Variants in FAM222A observed in about 807,000 individuals in gnomAD.
FAM222A encodes protein FAM222A.
Under a neutral mutation model 25.8 loss-of-function variants are expected in FAM222A, and 7 were observed. The observed-to-expected ratio is 0.27, with a 90% CI of 0.15 to 0.51. The LOEUF (loss-of-function observed/expected upper bound fraction) is 0.51, where lower values mean the gene tolerates loss of function less well. Ranked by LOEUF, FAM222A falls within the 20% of genes least tolerant of loss-of-function variation. The pLI is 0.97. For synonymous variants in FAM222A, 294 were observed against 298.8 expected, an observed-to-expected ratio of 0.98 and a Z score of 0.17; for missense variants, 573 against 640.5, an observed-to-expected ratio of 0.89 and a Z score of 1.14.
At chr12:109,722,769 A>C (rs1887768522) in intron 1 of FAM222A, 1 of 152,130 alleles carries the variant, frequency 6.6e-6, no homozygotes, top group South Asian at 2.1e-4. Context: ...GCTTGGGGGG[A>C]TGAAAGATGA....
intron 2 of FAM222A, among the ~76,000 whole-genome samples, chr12:109,750,555 A>G (rs1888533254): frequency 6.6e-6 from 1 of 152,054 alleles, no homozygotes; most frequent in Non-Finnish European, 1.5e-5. Flanking sequence ...CTATTAGTGT[A>G]TTCTCAGGGC....
intron 2 of FAM222A, among the ~76,000 whole-genome samples, chr12:109,762,129 C>T (rs998650295): frequency 1.3e-5 from 2 of 152,180 alleles, no homozygotes; most frequent in African/African-American, 4.8e-5. Flanking sequence ...AGCTAGGTGC[C>T]GCTGCATCTT....
At chr12:109,737,089 T>G (rs888180458) in intron 1 of FAM222A, among the ~76,000 whole-genome samples, 1 of 152,164 alleles carries the variant, frequency 6.6e-6, no homozygotes, top group Admixed American at 6.5e-5. Context: ...GTACCTTGTA[T>G]GTCTTGGAGA....
intron 1 of FAM222A, among the ~76,000 whole-genome samples, chr12:109,731,941 AAG>A (rs1290147591): frequency 2.0e-5 from 3 of 152,196 alleles, no homozygotes; most frequent in Admixed American, 6.5e-5. Context: ...TTGGAGTAGA[AAG>A]AGACCAGCGA....
chr12:109,732,686 G>A (rs1368478577), intron 1 of FAM222A, among the ~76,000 whole-genome samples: 1 of 151,966 alleles, frequency 6.6e-6, no homozygotes, highest in Non-Finnish European at 1.5e-5. Flanking sequence ...GAGGGGAGGT[G>A]GGTGGGGGGA....
At chr12:109,764,991 C>T (rs1262402063) in intron 2 of FAM222A, among the ~76,000 whole-genome samples, 1 of 152,142 alleles carries the variant, frequency 6.6e-6, no homozygotes, top group Non-Finnish European at 1.5e-5. Context: ...ACTTGCCCAG[C>T]CCCAGTGAGG....
chr12:109,723,868 G>A (rs1887794779), intron 1 of FAM222A, among the ~76,000 whole-genome samples: 1 of 152,238 alleles, frequency 6.6e-6, no homozygotes, highest in African/African-American at 2.4e-5. Context: ...GCCATGCAAA[G>A]TGGGAGTTTA....
chr12:109,760,096 C>T (rs939277062), intron 2 of FAM222A, among the ~76,000 whole-genome samples: 6 of 152,168 alleles, frequency 3.9e-5, no homozygotes, highest in African/African-American at 1.2e-4. Flanking sequence ...AACGCAAGCT[C>T]CTACTGTGTA....
rs1391191770 is a variant in FAM222A at position 109,761,204 on chromosome 12, C to G, written c.83-6808C>G. ...ATCTGTGGCTCAGAGTCCACGAATT[C>G]CACCTGCAGCCCCACCCCCAGATGC... On this transcript the variant is annotated intron_variant, in intron 2 of 2. Transcript: ENST00000538780. Among the ~76,000 whole-genome samples, 17 of 152,302 alleles carry G rather than the reference C, an allele frequency of 1.1e-4. No homozygotes were observed. The East Asian group carries it at 3.1e-3, about 28-fold the overall frequency.
intron 1 of FAM222A, among the ~76,000 whole-genome samples, chr12:109,743,236 C>T (rs895869190): frequency 1.3e-5 from 2 of 152,180 alleles, no homozygotes; most frequent in Admixed American, 6.5e-5. Flanking sequence ...CCACTCTGAC[C>T]CTGCCAGTCA....
intron 2 of FAM222A, among the ~76,000 whole-genome samples, chr12:109,750,869 G>T (rs1888540802): frequency 1.0e-5 from 1 of 99,730 alleles, no homozygotes; most frequent in Non-Finnish European, 2.1e-5. Flanking sequence ...TTGCCATGGA[G>T]AAGCTGAGGA....
intron 1 of FAM222A, among the ~76,000 whole-genome samples, chr12:109,724,716 G>A (rs936905268): frequency 6.6e-6 from 1 of 152,136 alleles, no homozygotes; most frequent in African/African-American, 2.4e-5. Context: ...TGGGAGTGCT[G>A]GACGTAAAGT....
At chr12:109,735,352 C>T (rs1566187873) in intron 1 of FAM222A, among the ~76,000 whole-genome samples, 1 of 152,236 alleles carries the variant, frequency 6.6e-6, no homozygotes, top group Non-Finnish European at 1.5e-5. Flanking sequence ...CTCGTGGGTA[C>T]AACGCCAATC....
intron 1 of FAM222A, among the ~76,000 whole-genome samples, chr12:109,730,767 G>A (rs928390738): frequency 6.6e-6 from 1 of 152,162 alleles, no homozygotes; most frequent in Non-Finnish European, 1.5e-5. Context: ...TCACTCTCAA[G>A]GCACACTTGG....
intron 2 of FAM222A, chr12:109,744,619 G>C (rs1241213651): frequency 4.1e-6 from 4 of 985,346 alleles, no homozygotes; most frequent in African/African-American, 1.7e-5. Context: ...TGAGGCCCAT[G>C]AGCTGTGTGG....
chr12:109,728,318 G>A lies in FAM222A; in HGVS notation c.-47+13421G>A, dbSNP rs371423475. On this transcript the variant is annotated intron_variant, in intron 1 of 2. Transcript: ENST00000538780. ...GAGGATCAGAGAGCTAAGGTGACTC[G>A]TCAGGGGTCCCAGGGTCCCAGGGTC... Among the ~76,000 whole-genome samples, 334 of 151,930 alleles carry A rather than the reference G, an allele frequency of 2.2e-3. 1 individual carries two copies. Among genetic ancestry groups the A allele is most frequent in the African/African-American group, 7.7e-3 (318 of 41,258 alleles).
At chr12:109,732,380 T>G (rs1887964852) in intron 1 of FAM222A, among the ~76,000 whole-genome samples, 1 of 152,210 alleles carries the variant, frequency 6.6e-6, no homozygotes, top group Non-Finnish European at 1.5e-5. Flanking sequence ...GTGCTGTGCA[T>G]TTGGGGAGTG....
chr12:109,760,303 C>T (rs768489796), intron 2 of FAM222A, among the ~76,000 whole-genome samples: 27 of 152,094 alleles, frequency 1.8e-4, no homozygotes, highest in African/African-American at 5.3e-4. Flanking sequence ...GTGGTCAGCA[C>T]GGGGAGGCAG....
chr12:109,730,078 T>C (rs1887917692), intron 1 of FAM222A, among the ~76,000 whole-genome samples: 1 of 152,152 alleles, frequency 6.6e-6, no homozygotes, highest in African/African-American at 2.4e-5. Context: ...TCAGTCTGCC[T>C]TCGAGGTCCC....
Sources: gnomAD v4.1 joint callset for allele counts (sites outside exome capture counted in the v4.1 genomes callset) on GRCh38, gnomAD v4.1.1 for gene constraint, MANE v1.5 for transcripts, NCBI Gene and HGNC (gene_info 2026-07-23, HGNC 2026-07-21) for gene names.